The following IL3RA variants were observed in gnomAD, a reference collection of about 807,000 sequenced individuals.
IL3RA encodes interleukin-3 receptor subunit alpha.
In IL3RA, 73 loss-of-function variants were observed where a neutral mutation model predicts 52.3. That is an observed-to-expected ratio of 1.40 (90% confidence interval 1.16 to 1.70). The LOEUF (loss-of-function observed/expected upper bound fraction) is 1.70. Ranked by LOEUF, IL3RA falls within the 40% of genes most tolerant of loss-of-function variation. The pLI is 0.00. For synonymous variants in IL3RA, 260 were observed against 194.0 expected (o/e 1.34, Z -2.83); for missense variants, 664 against 504.4 (o/e 1.32, Z -3.03).
At chrX:1,348,648 T>G (rs1216625404) in intron 4 of IL3RA, 103 bp downstream of exon 4, 1 of 292,882 alleles carries the variant, frequency 3.4e-6, no homozygotes, top group Non-Finnish European at 5.5e-6. Context: ...CTTTTTCTCT[T>G]TCTTTCTTTC....
At chrX:1,366,830 G>A (rs2088106985) in intron 9 of IL3RA, among the ~76,000 whole-genome samples, 1 of 36,918 alleles carries the variant, frequency 2.7e-5, no homozygotes, top group Non-Finnish European at 4.7e-5. Flanking sequence ...GGGTGCGCGG[G>A]GTGCGCGGCG....
At chrX:1,348,674 C>CT (rs375971291) in intron 4 of IL3RA, 129 bp downstream of exon 4, 9 of 481,834 alleles carry the variant, frequency 1.9e-5, no homozygotes, top group African/African-American at 1.4e-4. Context: ...TTCTTTCTTT[C>CT]TTTCTTTCTT....
chrX:1,358,841 T>C lies in IL3RA; in HGVS notation c.733-20T>C. ...GGGACGGTCCAGACACTCAAAAGTT[T>C]GCTTGCTTTTGTGTTGCAGAGAATG... On this transcript the variant is annotated intron_variant, in intron 7 of 11. Coordinates refer to ENST00000331035, the MANE Select transcript of IL3RA (RefSeq NM_002183.4). 2 of 1,613,366 alleles carry C rather than the reference T, an allele frequency of 1.2e-6. No homozygotes were observed. The highest frequency in any genetic ancestry group is 8.5e-7 in the Non-Finnish European group (1 of 1,179,646).
At chrX:1,342,817 G>C (rs1163804550) in intron 2 of IL3RA, among the ~76,000 whole-genome samples, 1 of 151,112 alleles carries the variant, frequency 6.6e-6, no homozygotes, top group Admixed American at 6.6e-5. Flanking sequence ...CCTCGGGGTT[G>C]GGATTACACA....
intron 8 of IL3RA, among the ~76,000 whole-genome samples, chrX:1,361,625 C>A (rs376378551): frequency 1.3e-3 from 195 of 151,942 alleles, no homozygotes; most frequent in African/African-American, 4.1e-3. Context: ...TGGTGGCAGG[C>A]GCCTGTGGTC....
At chrX:1,348,646 CTTTCTTTCTTTCTT>C (rs2085896909) in intron 4 of IL3RA, 101 bp downstream of exon 4, 5 of 282,064 alleles carry the variant, frequency 1.8e-5, no homozygotes, top group Non-Finnish European at 3.0e-5. Context: ...TTCTTTTTCT[CTTTCTTTCTTTCTT>C]TCTTTCTTTC....
rs1349601972 is a variant in IL3RA, at chrX:1,370,204, G to C, written c.874+4952G>C. On this transcript the variant is annotated intron_variant, in intron 9 of 11. Coordinates refer to ENST00000331035, the MANE Select transcript of IL3RA (RefSeq NM_002183.4). ...GGATCTCAGACCTCCAGCCTCCAGGGCTGTGGGAGAATCAGTGTTTTGTTT... is the reference window on the plus strand; with the variant it reads ...GGATCTCAGACCTCCAGCCTCCAGGCCTGTGGGAGAATCAGTGTTTTGTTT... Among the ~76,000 whole-genome samples the C allele has an allele frequency of 4.1e-5, 2 of 49,028 alleles. 1 individual carries two copies. Among genetic ancestry groups the C allele is most frequent in the Non-Finnish European group, 6.4e-5 (2 of 31,290 alleles). The allele number at this position is 49,028 out of a possible 152,430, so 32.2% of individuals were successfully genotyped here. A position where few individuals can be genotyped will look rare whatever the true frequency, so the allele number is the denominator to read the frequency against.
chrX:1,355,477 A>G (rs1463925719), intron 6 of IL3RA, among the ~76,000 whole-genome samples: 39 of 68,222 alleles, frequency 5.7e-4, no homozygotes, highest in South Asian at 3.8e-3. Flanking sequence ...GGGGAGGAGG[A>G]GGAGGGGGCC....
At chrX:1,358,092 G>A (rs2086877168) in intron 7 of IL3RA, among the ~76,000 whole-genome samples, 1 of 150,960 alleles carries the variant, frequency 6.6e-6, no homozygotes, top group East Asian at 1.9e-4. Context: ...GCAACAGAGT[G>A]AGACTCCGTC....
At chrX:1,348,388 G>C (rs1196964345) in intron 3 of IL3RA, 43 bp from the exon 4 acceptor site, 7 of 1,437,930 alleles carry the variant, frequency 4.9e-6, no homozygotes, top group African/African-American at 1.4e-5. Flanking sequence ...GTCAAATTAA[G>C]CATGGTCTGT....
At chrX:1,377,124 A>C (rs2088813674) in intron 9 of IL3RA, among the ~76,000 whole-genome samples, 1 of 151,980 alleles carries the variant, frequency 6.6e-6, no homozygotes, top group Non-Finnish European at 1.5e-5. Flanking sequence ...CGGGGTCTCC[A>C]AGCCCAGGAG....
intron 3 of IL3RA, among the ~76,000 whole-genome samples, chrX:1,347,033 C>T (rs1352279600): frequency 1.4e-5 from 2 of 140,788 alleles, no homozygotes; most frequent in Non-Finnish European, 3.2e-5. Context: ...ACTTTAGAAA[C>T]ACAAATGCTG....
chrX:1,378,193 AAAAAAG>A (rs772094719), intron 9 of IL3RA, among the ~76,000 whole-genome samples: 3,957 of 149,810 alleles, frequency 0.026, 88 homozygotes, highest in East Asian at 0.14. Context: ...AAAAAAAAAA[AAAAAAG>A]AAAAAGAAAA....
At position 1,378,704 on chromosome X, in the gene IL3RA, C is replaced by G. The variant is rs200187424; in HGVS notation, c.920C>G (p.Ser307Trp). 1 of 1,612,564 alleles carries G rather than the reference C, an allele frequency of 6.2e-7. No homozygotes were observed. Among genetic ancestry groups the G allele is most frequent in the African/African-American group, 1.3e-5 (1 of 74,900 alleles). Residue 307 changes from serine (S) to tryptophan (W), a missense_variant, in exon 10 of 12, where the codon TCG (serine) becomes TGG (tryptophan). By Grantham distance (177) the Ser-to-Trp change is radical (BLOSUM62 -3). Transcript: ENST00000331035. Reference protein sequence around the residue: ...EGANTRAWRTSLLIALGTLLA... With the variant: ...EGANTRAWRTWLLIALGTLLA... Reference sequence around the variant, plus strand: ...GCAAACACACGTGCCTGGCGGACGTCGCTGCTGATCGCGCTGGGGACGCTG... The same window carrying G: ...GCAAACACACGTGCCTGGCGGACGTGGCTGCTGATCGCGCTGGGGACGCTG...
At chrX:1,341,867 A>G in intron 2 of IL3RA, 38 bp downstream of exon 2, 2 of 1,602,072 alleles carry the variant, frequency 1.2e-6, no homozygotes, top group Non-Finnish European at 1.7e-6. Context: ...CCACCTGGGG[A>G]GCGGTGGGGG....
At chrX:1,348,642 T>TC (rs1197974237) in intron 4 of IL3RA, 97 bp downstream of exon 4, 6 of 601,084 alleles carry the variant, frequency 1.0e-5, no homozygotes, top group African/African-American at 8.1e-5. Flanking sequence ...TCTTTTCTTT[T>TC]TCTCTTTCTT....
intron 8 of IL3RA, among the ~76,000 whole-genome samples, chrX:1,359,295 G>A (rs1181600069): frequency 3.3e-5 from 5 of 151,960 alleles, no homozygotes; most frequent in African/African-American, 1.2e-4. Context: ...CCACCCAGCA[G>A]AGACAAGCAT....
At chrX:1,338,654 T>C (rs2085385419) in intron 1 of IL3RA, among the ~76,000 whole-genome samples, 1 of 152,212 alleles carries the variant, frequency 6.6e-6, no homozygotes, top group South Asian at 2.1e-4. Context: ...TCTGTATGAT[T>C]CCATTTATTC....
At chrX:1,363,815 G>A (rs1157708374) in intron 8 of IL3RA, among the ~76,000 whole-genome samples, 4 of 151,996 alleles carry the variant, frequency 2.6e-5, no homozygotes, top group African/African-American at 4.8e-5. Flanking sequence ...TGCCTCCTGG[G>A]CTCAAGGGAT....
Sources: allele counts gnomAD v4.1 joint callset (sites outside exome capture counted in the v4.1 genomes callset), GRCh38; gene constraint gnomAD v4.1.1; transcripts MANE v1.5; gene names NCBI Gene and HGNC (gene_info 2026-07-23, HGNC 2026-07-21).